ENTREP1: variants seen among roughly 807,000 people sequenced by gnomAD.
ENTREP1 encodes Friedreich ataxia region gene X123.
chr9:69,359,831 A>G, the ENTREP1 span, among the ~76,000 whole-genome samples: 1 of 152,318 alleles, frequency 6.6e-6, no homozygotes, highest in Non-Finnish European at 1.5e-5. Context: ...ATGGGCAGGA[A>G]GACAGAGAGA....
the ENTREP1 span, among the ~76,000 whole-genome samples, chr9:69,328,313 A>C: frequency 1.3e-5 from 2 of 152,232 alleles, no homozygotes; most frequent in African/African-American, 4.8e-5. Flanking sequence ...TATATATTCC[A>C]ATGTGTGTAT....
the ENTREP1 span, among the ~76,000 whole-genome samples, chr9:69,342,581 A>C: frequency 6.6e-6 from 1 of 152,248 alleles, no homozygotes; most frequent in Non-Finnish European, 1.5e-5. Context: ...CACAAGGTGT[A>C]GTTTTGAGTC....
chr9:69,376,489 C>T, the ENTREP1 span, among the ~76,000 whole-genome samples: 1 of 152,106 alleles, frequency 6.6e-6, no homozygotes, highest in African/African-American at 2.4e-5. Context: ...AAAATTGTGC[C>T]CTGACTTAAG....
chr9:69,385,901 G>C, the ENTREP1 span: 1 of 1,612,984 alleles, frequency 6.2e-7, no homozygotes, highest in East Asian at 2.2e-5. Context: ...CACCCTTGAG[G>C]ACCAGGTCGA....
At chr9:69,376,269 G>A in the ENTREP1 span, among the ~76,000 whole-genome samples, 1 of 152,088 alleles carries the variant, frequency 6.6e-6, no homozygotes, top group South Asian at 2.1e-4. Context: ...ATGCTCATTT[G>A]TTTGCTTACA....
chr9:69,334,525 T>A, the ENTREP1 span, among the ~76,000 whole-genome samples: 1 of 152,216 alleles, frequency 6.6e-6, no homozygotes, highest in African/African-American at 2.4e-5. Flanking sequence ...AAACACTGAT[T>A]GTGAAATGGT....
chr9:69,348,326 C>T, the ENTREP1 span, among the ~76,000 whole-genome samples: 3 of 151,948 alleles, frequency 2.0e-5, no homozygotes, highest in African/African-American at 7.3e-5. Flanking sequence ...CACCATGTTG[C>T]CCAGGCTGGT....
the ENTREP1 span, among the ~76,000 whole-genome samples, chr9:69,389,803 A>G: frequency 2.0e-5 from 3 of 152,232 alleles, no homozygotes; most frequent in African/African-American, 7.2e-5. Flanking sequence ...ACAAGCACTT[A>G]TACAGTTCAC....
chr9:69,388,581 G>A, the ENTREP1 span: 1 of 689,938 alleles, frequency 1.4e-6, no homozygotes, highest in East Asian at 2.8e-5. Flanking sequence ...TGGGTTGAGA[G>A]TTCTGGGGAG....
the ENTREP1 span, among the ~76,000 whole-genome samples, chr9:69,363,741 C>T: frequency 3.3e-5 from 5 of 152,292 alleles, no homozygotes; most frequent in African/African-American, 1.2e-4. Context: ...TTCTTTCCGT[C>T]AGGGGTCCCT....
the ENTREP1 span, chr9:69,325,136 G>T: frequency 9.6e-7 from 1 of 1,039,086 alleles, no homozygotes; most frequent in Non-Finnish European, 1.2e-6. Context: ...GCTGGAGCCA[G>T]GGCAGCGGCA....
chr9:69,385,776 TTTTTTTTTTTTA>T, the ENTREP1 span: 5 of 1,360,938 alleles, frequency 3.7e-6, no homozygotes, highest in African/African-American at 3.8e-5. Flanking sequence ...TTTTTTTTTT[TTTTTTTTTTTTA>T]AATCAGATGG....
chr9:69,371,352 A>G, the ENTREP1 span: 2 of 753,682 alleles, frequency 2.7e-6, no homozygotes, highest in South Asian at 2.9e-5. Context: ...AAATGTGAAA[A>G]AAAGTTTGTA....
At chr9:69,350,510 T>C in the ENTREP1 span, among the ~76,000 whole-genome samples, 3 of 152,244 alleles carry the variant, frequency 2.0e-5, no homozygotes, top group Non-Finnish European at 4.4e-5. Context: ...AATTGTTTTC[T>C]GGCCTGTTGC....
At chr9:69,352,591 A>G in the ENTREP1 span, among the ~76,000 whole-genome samples, 1 of 152,234 alleles carries the variant, frequency 6.6e-6, no homozygotes, top group Non-Finnish European at 1.5e-5. Context: ...TGAGGAAACC[A>G]AGACACAGAG....
chr9:69,338,369 T>C, the ENTREP1 span, among the ~76,000 whole-genome samples: 3 of 152,220 alleles, frequency 2.0e-5, no homozygotes, highest in African/African-American at 7.2e-5. Flanking sequence ...TACTCAGTAA[T>C]ACAAATCTCC....
chr9:69,377,844 G>T, the ENTREP1 span: 1 of 1,295,968 alleles, frequency 7.7e-7, no homozygotes, highest in Non-Finnish European at 1.0e-6. Context: ...ACTTTTCTTT[G>T]AAAAAGAAAA....
chr9:69,333,051 G>T, the ENTREP1 span, among the ~76,000 whole-genome samples: 3 of 152,194 alleles, frequency 2.0e-5, no homozygotes, highest in Admixed American at 1.3e-4. Context: ...AGAAAAGGAA[G>T]AGGCAGGGAA....
chr9:69,377,699 C>T, the ENTREP1 span: 3 of 1,614,002 alleles, frequency 1.9e-6, no homozygotes, highest in African/African-American at 2.7e-5. Context: ...CCTCCCCCTT[C>T]CTATTTTGCC....
Sources: gnomAD v4.1 joint callset for allele counts (sites outside exome capture counted in the v4.1 genomes callset) on GRCh38, gnomAD v4.1.1 for gene constraint, MANE v1.5 for transcripts, NCBI Gene and HGNC (gene_info 2026-07-23, HGNC 2026-07-21) for gene names.